Variants in USP49 observed in about 807,000 individuals in gnomAD.
USP49 encodes the protein ubiquitin carboxyl-terminal hydrolase 49.
Under a neutral mutation model 58.6 loss-of-function variants are expected in USP49, and 24 were observed. The ratio of observed to expected loss-of-function variants is 0.41; its 90% CI spans 0.30 to 0.58. The LOEUF (loss-of-function observed/expected upper bound fraction) is 0.58. USP49 is among the 20% of genes least tolerant of loss of function. The probability of loss-of-function intolerance (pLI) is 0.30; values close to 1 mark genes in which losing one functional copy is unlikely to be tolerated. For missense variants in USP49, 703 were observed against 866.1 expected, an observed-to-expected ratio of 0.81 and a Z score of 2.36; for synonymous variants, 408 against 365.1, an observed-to-expected ratio of 1.12 and a Z score of -1.34.
intron 2 of USP49, among the ~76,000 whole-genome samples, chr6:41,890,955 G>A (rs549196713): frequency 3.3e-4 from 50 of 152,222 alleles, no homozygotes; most frequent in Non-Finnish European, 5.7e-4. Context: ...ACTGGTTTGG[G>A]TTTGTTTTGT....
At chr6:41,880,021 A>C (rs1033387247) in intron 2 of USP49, among the ~76,000 whole-genome samples, 1 of 152,248 alleles carries the variant, frequency 6.6e-6, no homozygotes, top group African/African-American at 2.4e-5. Context: ...AAATGAAATG[A>C]ACAAGTAATG....
At chr6:41,808,256 C>G (rs1217640716) in intron 3 of USP49, among the ~76,000 whole-genome samples, 5 of 151,948 alleles carry the variant, frequency 3.3e-5, no homozygotes. Context: ...AAAAAAGCAA[C>G]GAATCTTCCA....
chr6:41,860,462 G>A (rs1470006652), intron 3 of USP49, among the ~76,000 whole-genome samples: 1 of 152,040 alleles, frequency 6.6e-6, no homozygotes, highest in Non-Finnish European at 1.5e-5. Context: ...ATTACTATCA[G>A]TTTTTATATG....
At chr6:41,873,292 G>C (rs1268726905) in intron 2 of USP49, among the ~76,000 whole-genome samples, 1 of 152,132 alleles carries the variant, frequency 6.6e-6, no homozygotes, top group Non-Finnish European at 1.5e-5. Context: ...TCTTCAGGTA[G>C]GTACACAAAA....
chr6:41,890,639 A>C lies in USP49; in HGVS notation c.-103+1155T>G, dbSNP rs184328386. Reference sequence around the variant, plus strand: ...CAGTGAGCTGACGTGGCGCCACTGCATTCGCCTGGGCAAAAGAGCAAGATT... The same window carrying C: ...CAGTGAGCTGACGTGGCGCCACTGCCTTCGCCTGGGCAAAAGAGCAAGATT... On this transcript the variant is annotated intron_variant, in intron 2 of 7. Transcript: ENST00000682992. Among the ~76,000 whole-genome samples the C allele has an allele frequency of 2.3e-3, 356 of 152,298 alleles. 3 individuals carry two copies. The highest frequency in any genetic ancestry group is 7.2e-3 in the African/African-American group (298 of 41,562).
intron 2 of USP49, among the ~76,000 whole-genome samples, chr6:41,889,841 T>G (rs1374451998): frequency 6.6e-6 from 1 of 152,136 alleles, no homozygotes; most frequent in Non-Finnish European, 1.5e-5. Context: ...AATACTCAAG[T>G]GAGAGAAAAT....
chr6:41,838,101 G>C (rs539100469), intron 3 of USP49, among the ~76,000 whole-genome samples: 1 of 152,266 alleles, frequency 6.6e-6, no homozygotes, highest in Admixed American at 6.5e-5. Context: ...CCCATTATTG[G>C]TTATATACCC....
In USP49 at chr6:41,806,024, G is replaced by A; in HGVS notation, c.960C>T (p.Asp320=). 1 of 1,614,004 alleles carries A rather than the reference G, an allele frequency of 6.2e-7. No individual in the cohort carries two copies. The highest frequency in any genetic ancestry group is 1.1e-5 in the South Asian group (1 of 91,090). ...CCTCCCGCTCGCATGCCTCGGCCCT[G>A]TCATTTCTCAAGGACAGCTCCGTGG... The part of the protein sequence containing the change: ...SSATELSLRN[D]RAEACEREGF... Residue 320 remains aspartate (D), a synonymous_variant, in exon 4 of 8, where the codon GAC becomes GAT. Transcript: ENST00000682992. The surrounding 1 kb of genome is among the most constrained non-coding windows in gnomAD (Gnocchi z 5.9).
intron 3 of USP49, among the ~76,000 whole-genome samples, chr6:41,833,238 G>A (rs905015886): frequency 5.3e-5 from 8 of 151,096 alleles, no homozygotes; most frequent in East Asian, 2.0e-4. Flanking sequence ...GGATGGTCTC[G>A]ATCTCCTGAC....
chr6:41,840,810 A>G (rs761993882), intron 3 of USP49, among the ~76,000 whole-genome samples: 2 of 152,154 alleles, frequency 1.3e-5, no homozygotes, highest in African/African-American at 4.8e-5. Context: ...TAATTTTTAA[A>G]AAACATTTTT....
intron 3 of USP49, among the ~76,000 whole-genome samples, chr6:41,837,861 G>GC (rs1201091972): frequency 6.6e-6 from 1 of 152,164 alleles, no homozygotes; most frequent in African/African-American, 2.4e-5. Flanking sequence ...AGAATGCTCA[G>GC]CATCACTAAT....
At chr6:41,860,940 G>A (rs1450621604) in intron 3 of USP49, among the ~76,000 whole-genome samples, 3 of 151,952 alleles carry the variant, frequency 2.0e-5, no homozygotes, top group Admixed American at 2.0e-4. Flanking sequence ...GACCAGCCTG[G>A]ACAAGATAGT....
rs555570059 is a variant in USP49 at position 41,871,332 on chromosome 6, G to A, written c.-29+232C>T. Among the ~76,000 whole-genome samples the A allele has an allele frequency of 6.6e-5, 10 of 152,254 alleles. No individual in the cohort carries two copies. The East Asian group carries it at 1.9e-3, about 29-fold the overall frequency. On this transcript the variant is annotated intron_variant, in intron 3 of 7. Coordinates refer to ENST00000682992, the MANE Select transcript of USP49 (RefSeq NM_001286554.2). ...GTTTCAGTATGGTTGCTGGTCTTTA[G>A]GTCCCATTTTAACTTCAAATATGGC...
At position 41,806,675 on chromosome 6, in the gene USP49, C is replaced by T. The variant is rs1773141129; in HGVS notation, c.309G>A (p.Arg103=). 1.2e-6 allele frequency: 2 copies of T among 1,614,166 alleles called. No homozygotes were observed. The highest frequency in any genetic ancestry group is 1.7e-6 in the Non-Finnish European group (2 of 1,180,048). ...KLLRSSLLAV[R]GQKQDTPVRR... is the part of the protein sequence containing the mutation. ...TCACCGGCGTGTCCTGTTTCTGGCC[C>T]CGGACCGCCAGGAGGGAGCTTCTTA... The change falls in exon 4 of 8, where the codon CGG becomes CGA. Residue 103 remains arginine (R), a synonymous_variant. Transcript: ENST00000682992. This position sits in a 1 kb window ranked among gnomAD's most constrained non-coding sequence, Gnocchi z 5.9.
rs1417333921 is a variant in USP49, at chr6:41,803,805, C to T, written c.1561+1G>A. On this transcript the variant is annotated splice_donor_variant, in intron 5 of 7. Transcript: ENST00000682992. LOFTEE classifies it high-confidence loss of function. The surrounding 1 kb of genome is among the most constrained non-coding windows in gnomAD (Gnocchi z 4.1). ...CGCCCCCTCCTCCACACAGCACTCA[C>T]TGTTACACTGGTCACAAGCGTAGAT... 1 of 1,614,114 alleles carries T rather than the reference C, an allele frequency of 6.2e-7. No individual in the cohort carries two copies.
At chr6:41,827,102 A>C (rs919252832) in intron 3 of USP49, among the ~76,000 whole-genome samples, 1 of 152,200 alleles carries the variant, frequency 6.6e-6, no homozygotes, top group Non-Finnish European at 1.5e-5. Context: ...CCAAACTCAA[A>C]TACTAGTTGG....
At position 41,830,133 on chromosome 6, in the gene USP49, T is replaced by C. The variant is rs528599915; in HGVS notation, c.-28-23122A>G. ...TTTAGAAGATTAGCCTTTCATTTTCTTATAATATACTGACCTTCCCTGTTT... is the reference window on the plus strand; with the variant it reads ...TTTAGAAGATTAGCCTTTCATTTTCCTATAATATACTGACCTTCCCTGTTT... On this transcript the variant is annotated intron_variant, in intron 3 of 7. Coordinates refer to ENST00000682992, the MANE Select transcript of USP49 (RefSeq NM_001286554.2). Among the ~76,000 whole-genome samples the C allele has an allele frequency of 2.4e-4, 37 of 152,354 alleles. No individual in the cohort carries two copies. The South Asian group carries it at 7.5e-3, about 31-fold the overall frequency.
intron 2 of USP49, among the ~76,000 whole-genome samples, chr6:41,876,447 C>T (rs557146039): frequency 1.1e-4 from 16 of 152,154 alleles, no homozygotes; most frequent in South Asian, 6.2e-4. Flanking sequence ...GACAGAGCTT[C>T]GCTCTGTTGC....
At chr6:41,816,069 C>A (rs1773344572) in intron 3 of USP49, among the ~76,000 whole-genome samples, 1 of 152,206 alleles carries the variant, frequency 6.6e-6, no homozygotes, top group Non-Finnish European at 1.5e-5. Flanking sequence ...TGCCTTGTTC[C>A]ATACCCTCCG....
Sources: gnomAD v4.1 joint callset for allele counts (sites outside exome capture counted in the v4.1 genomes callset) on GRCh38, gnomAD v4.1.1 for gene constraint, Gnocchi (gnomAD v3.1) non-coding constraint, MANE v1.5 for transcripts, NCBI Gene and HGNC (gene_info 2026-07-23, HGNC 2026-07-21) for gene names.